The following ZNF732 variants were observed in gnomAD, a reference collection of about 807,000 sequenced individuals.
ZNF732 encodes zinc finger protein 732.
In ZNF732, 12 loss-of-function variants were observed where a neutral mutation model predicts 11.5. The observed-to-expected ratio is 1.05, with a 90% CI of 0.67 to 1.70. The LOEUF (loss-of-function observed/expected upper bound fraction) is 1.70, where lower values mean the gene tolerates loss of function less well. Among genes scored for constraint, ZNF732 ranks in the 40% most tolerant of loss-of-function variants. ZNF732 has a pLI of 0.00. For missense variants in ZNF732, 702 were observed against 676.9 expected (o/e 1.04, Z -0.41); for synonymous variants, 231 against 236.5 (o/e 0.98, Z 0.21).
intron 1 of ZNF732, among the ~76,000 whole-genome samples, chr4:296,835 C>T (rs1184605661): frequency 1.3e-5 from 2 of 152,176 alleles, no homozygotes; most frequent in African/African-American, 4.8e-5. Flanking sequence ...CTTACCCCAA[C>T]ACCCTTATCA....
intron 3 of ZNF732, among the ~76,000 whole-genome samples, chr4:288,869 C>A (rs184677510): frequency 6.6e-6 from 1 of 152,204 alleles, no homozygotes; most frequent in Non-Finnish European, 1.5e-5. Flanking sequence ...CTGGCTAACA[C>A]AGTGATGTAA....
chr4:286,366 T>A (rs1229414513), intron 3 of ZNF732, among the ~76,000 whole-genome samples: 1 of 152,198 alleles, frequency 6.6e-6, no homozygotes, highest in Non-Finnish European at 1.5e-5. Flanking sequence ...TGAAGAGTAA[T>A]TTACACATCC....
At chr4:275,486 C>T (rs1355153120) in intron 3 of ZNF732, among the ~76,000 whole-genome samples, 1 of 151,680 alleles carries the variant, frequency 6.6e-6, no homozygotes, top group East Asian at 1.9e-4. Flanking sequence ...TTCACAGCTC[C>T]TGATTTCAAA....
rs782229067 is a variant in ZNF732 at position 271,747 on chromosome 4, G to A, written c.1110C>T (p.Ala370=). ...KPYKCEQCGK[A]FRQSATLNKH... ...TATTAAGGGTTGCGGATTGTCTAAA[G>A]GCTTTGCCACATTGTTCACATTTGT... The change falls in exon 4 of 4, where the codon GCC becomes GCT. Residue 370 remains alanine (A), a synonymous_variant. Transcript: ENST00000419098. The A allele has an allele frequency of 6.2e-7, 1 of 1,611,866 alleles. No homozygotes were observed. Among genetic ancestry groups the A allele is most frequent in the Non-Finnish European group, 8.5e-7 (1 of 1,178,746 alleles).
chr4:287,947 AT>A (rs35663095), intron 3 of ZNF732, among the ~76,000 whole-genome samples: 67 of 149,338 alleles, frequency 4.5e-4, no homozygotes, highest in South Asian at 1.5e-3. Flanking sequence ...TCTTTACAAC[AT>A]TTTTTTTTTG....
chr4:281,127 G>C (rs1719611723), intron 3 of ZNF732, among the ~76,000 whole-genome samples: 1 of 152,238 alleles, frequency 6.6e-6, no homozygotes. Context: ...ATGTGCCCCT[G>C]TAGGCATGCT....
intron 1 of ZNF732, among the ~76,000 whole-genome samples, chr4:304,100 CTG>C (rs1176298881): frequency 6.6e-6 from 1 of 152,028 alleles, no homozygotes; most frequent in South Asian, 2.1e-4. Context: ...CTTCCTGGCA[CTG>C]TGTGTGTTAT....
In ZNF732 at chr4:296,113, C is replaced by T. The variant is rs1553842249; in HGVS notation, c.46G>A (p.Glu16Lys). The change falls in exon 2 of 4, where the codon GAA becomes AAA. Residue 16 changes from glutamate to lysine, a missense_variant. This residue lies in a region of ZNF732 where 596 missense variants were observed against 557.9 expected (regional missense o/e 1.07). Coordinates refer to ENST00000419098, the MANE Select transcript of ZNF732 (RefSeq NM_001137608.3). ...GCAGGGTCCAGGCATTTCCACTCTT[C>T]TGGAGAGAATTCTATGGCCACATCC... ...FRDVAIEFSP[E>K]EWKCLDPAQQ... 6.2e-7 allele frequency: 1 copy of T among 1,613,642 alleles called. No homozygotes were observed. Among genetic ancestry groups the T allele is most frequent in the African/African-American group, 1.3e-5 (1 of 74,886 alleles).
At chr4:277,966 G>A (rs115916539) in intron 3 of ZNF732, among the ~76,000 whole-genome samples, 2,064 of 152,156 alleles carry the variant, frequency 0.014, 54 homozygotes, top group African/African-American at 0.048. Flanking sequence ...CAAGGTATTC[G>A]ATCAATCCAA....
intron 2 of ZNF732, among the ~76,000 whole-genome samples, chr4:295,750 G>C (rs1416914323): frequency 1.3e-5 from 2 of 152,124 alleles, no homozygotes; most frequent in African/African-American, 4.8e-5. Context: ...GGTGCAAATT[G>C]TATTTTAAGA....
At chr4:304,213 C>T (rs1484173757) in intron 1 of ZNF732, among the ~76,000 whole-genome samples, 3 of 152,052 alleles carry the variant, frequency 2.0e-5, no homozygotes, top group Non-Finnish European at 2.9e-5. Context: ...AGTGAGCGTC[C>T]TCGGGAGTGG....
Position 271,981 on chromosome 4 carries a change from AT to A in ZNF732, c.875del (p.Asn292MetfsTer58). ...TATGAATTTTCTTATGTTTGGCAACATTTGAGGATGAGGTAATGATTTTGCC... is the reference window on the plus strand; with the variant it reads ...TATGAATTTTCTTATGTTTGGCAACATTGAGGATGAGGTAATGATTTTGCC... ...ECGKIITSSS[N>X]VAKHKKIHTG... On this transcript the variant is annotated frameshift_variant, in exon 4 of 4. Transcript: ENST00000419098. LOFTEE classifies it low-confidence loss of function (END_TRUNC). The A allele has an allele frequency of 6.2e-7, 1 of 1,607,296 alleles. No individual in the cohort carries two copies. The highest frequency in any genetic ancestry group is 8.5e-7 in the Non-Finnish European group (1 of 1,176,700).
chr4:271,463 T>G lies in ZNF732; in HGVS notation c.1394A>C (p.Lys465Thr). 1 of 1,608,372 alleles carries G rather than the reference T, an allele frequency of 6.2e-7. No individual in the cohort carries two copies. The highest frequency in any genetic ancestry group is 8.5e-7 in the Non-Finnish European group (1 of 1,177,364). The stretch of plus-strand genomic sequence containing the variant: ...AGGTTTCTCTCCAGTATGAATTTTC[T>G]TATGTTTACTCAGGTATGCAGACCA... ...FGWSAYLSKHKKIHTGEKPYR... is the reference protein window; with the variant it reads ...FGWSAYLSKHTKIHTGEKPYR... Residue 465 changes from lysine (K) to threonine (T), a missense_variant, in exon 4 of 4, where the codon AAG becomes ACG. Physicochemically the swap from Lys to Thr is moderately conservative, Grantham distance 78. Around this residue, in one of 3 missense-constraint regions of ZNF732, gnomAD observed 596 missense variants for 557.9 expected, o/e 1.07. Coordinates refer to ENST00000419098, the MANE Select transcript of ZNF732 (RefSeq NM_001137608.3).
rs1441967597 is a variant in ZNF732, at chr4:272,118, C to T, written c.739G>A (p.Glu247Lys). ...CATTCTTCATATTTGTAAGATTTCT[C>T]TCCAGTATGAACTTTATGTTTAGCA... Reference protein sequence around the residue: ...NFAKHKVHTGEKSYKYEECGK... With the variant: ...NFAKHKVHTGKKSYKYEECGK... The change falls in exon 4 of 4, where the codon GAG (glutamate) becomes AAG (lysine). Residue 247 changes from glutamate (E) to lysine (K), a missense_variant. Transcript: ENST00000419098. 6.2e-7 allele frequency: 1 copy of T among 1,612,662 alleles called. No homozygotes were observed. The highest frequency in any genetic ancestry group is 1.3e-5 in the African/African-American group (1 of 74,832).
Position 271,714 on chromosome 4 carries a change from CTT to C in ZNF732, c.1141_1142del (p.Lys381GlufsTer12), listed in dbSNP as rs376757694. 274 of 1,611,700 alleles carry C rather than the reference CTT, an allele frequency of 1.7e-4. 3 individuals are homozygous for C. The South Asian group carries it at 2.8e-3, about 16-fold the overall frequency. ...AGGGTTTCTCTCCAGTATGAATACT[CTT>C]ATGTTTATTAAGGGTTGCGGATTGT... ...FRQSATLNKH[K>X]SIHTGEKPYT... On this transcript the variant is annotated frameshift_variant, in exon 4 of 4. Transcript: ENST00000419098. LOFTEE classifies it low-confidence loss of function (END_TRUNC).
intron 2 of ZNF732, 26 bp from the exon 3 acceptor site, chr4:295,559 C>A: frequency 6.4e-7 from 1 of 1,565,572 alleles, no homozygotes; most frequent in South Asian, 1.1e-5. Context: ...AATTAACATG[C>A]TACTGTTAGG....
intron 3 of ZNF732, among the ~76,000 whole-genome samples, chr4:293,187 T>C (rs1310245351): frequency 6.9e-6 from 1 of 144,498 alleles, no homozygotes; most frequent in Non-Finnish European, 1.5e-5. Flanking sequence ...TGAAGAAATA[T>C]CTTCAGCCCA....
rs1437018286 is a variant in ZNF732, at chr4:299,441, A to G, written c.4-3286T>C. On this transcript the variant is annotated intron_variant, in intron 1 of 3. Coordinates refer to ENST00000419098, the MANE Select transcript of ZNF732 (RefSeq NM_001137608.3). Reference sequence around the variant, plus strand: ...CACATATATACACATATGTGTATATATATATATATACACATATGTGTATAT... The same window carrying G: ...CACATATATACACATATGTGTATATGTATATATATACACATATGTGTATAT... Among the ~76,000 whole-genome samples, 41 of 53,158 alleles carry G rather than the reference A, an allele frequency of 7.7e-4. 2 individuals are homozygous for G. The highest frequency in any genetic ancestry group is 1.6e-3 in the African/African-American group (24 of 14,886). 34.9% of individuals were successfully genotyped at this position (53,158 alleles called of 152,430 possible).
Position 295,418 on chromosome 4 carries a change from CTTCA to C in ZNF732, c.226+16_226+19del, listed in dbSNP as rs782619205. Reference sequence around the variant, plus strand: ...TTGGTCCCCTGGCCTGTGTCCTCTCCTTCATTCACTGTCACCTACCTGGGTGTTT... The same window carrying C: ...TTGGTCCCCTGGCCTGTGTCCTCTCCTTCACTGTCACCTACCTGGGTGTTT... On this transcript the variant is annotated intron_variant, in intron 3 of 3. Transcript: ENST00000419098. 1 of 1,588,098 alleles carries C rather than the reference CTTCA, an allele frequency of 6.3e-7. No individual in the cohort carries two copies. The highest frequency in any genetic ancestry group is 8.6e-7 in the Non-Finnish European group (1 of 1,165,478).
Sources: allele counts gnomAD v4.1 joint callset (sites outside exome capture counted in the v4.1 genomes callset), GRCh38; gene constraint gnomAD v4.1.1; regional missense constraint gnomAD v4.1.1; transcripts MANE v1.5; gene names NCBI Gene and HGNC (gene_info 2026-07-23, HGNC 2026-07-21).